The following HSPA4 variants were observed in gnomAD, a reference collection of about 807,000 sequenced individuals.
HSPA4 encodes heat shock protein family A (Hsp70) member 4, also known as heat shock 70 kDa protein 4.
HSPA4 carries 25 observed loss-of-function variants against 106.2 expected under a neutral mutation model. The ratio of observed to expected loss-of-function variants is 0.24; its 90% confidence interval spans 0.17 to 0.33. The LOEUF (loss-of-function observed/expected upper bound fraction) is 0.33. Ranked by LOEUF, HSPA4 falls within the 10% of genes least tolerant of loss-of-function variation. The pLI is 1.00. For missense variants in HSPA4, 841 were observed against 996.0 expected (o/e 0.84, Z 2.10); for synonymous variants, 332 against 333.6 (o/e 1.00, Z 0.05).
rs1037487763 is a variant in HSPA4, at chr5:133,052,438, G to A, written c.107+81G>A. ...CAGTCTGGGACCCTCGCTGCTTGGG[G>A]AACGCGGGCCGAGGAGTCGCCTCCG... On this transcript the variant is annotated intron_variant, in intron 1 of 18. Coordinates refer to ENST00000304858, the MANE Select transcript of HSPA4 (RefSeq NM_002154.4). 3 of 1,008,994 alleles carry A rather than the reference G, an allele frequency of 3.0e-6. No individual in the cohort carries two copies. In the African/African-American group the frequency reaches 5.0e-5, roughly 17 times the overall value. 62.5% of individuals were successfully genotyped at this position (1,008,994 alleles called of 1,614,324 possible). A position where few individuals can be genotyped will look rare whatever the true frequency, so the allele number is the denominator to read the frequency against.
intron 1 of HSPA4, among the ~76,000 whole-genome samples, chr5:133,053,804 C>T (rs1765121914): frequency 6.6e-6 from 1 of 151,664 alleles, no homozygotes; most frequent in Admixed American, 6.6e-5. Flanking sequence ...GGATTACAGG[C>T]GCGTGCTACC....
chr5:133,104,097 A>G (rs528710958), intron 18 of HSPA4, 71 bp downstream of exon 18: 4 of 1,436,302 alleles, frequency 2.8e-6, no homozygotes, highest in African/African-American at 1.4e-5. Flanking sequence ...AGTGACACTT[A>G]GGAGGGAACT....
In HSPA4 at chr5:133,067,523, T is replaced by C. The variant is rs143398800; in HGVS notation, c.272T>C (p.Ile91Thr). Residue 91 changes from isoleucine to threonine, a missense_variant, in exon 3 of 19, where the codon ATT (isoleucine) becomes ACT (threonine). Ile to Thr is a moderately conservative substitution (Grantham distance 89, BLOSUM62 -1). Transcript: ENST00000304858. ...GAAAAATCTAACCTTGCATATGATA[T>C]TGTGCAGTTGCCTACAGGATTAACA... ...EAEKSNLAYD[I>T]VQLPTGLTGI... 6 of 1,613,776 alleles carry C rather than the reference T, an allele frequency of 3.7e-6. No homozygotes were observed. Among genetic ancestry groups the C allele is most frequent in the African/African-American group, 1.3e-5 (1 of 75,062 alleles).
rs138105174 is a variant in HSPA4, at chr5:133,078,668, A to G, written c.908+1770A>G. Among the ~76,000 whole-genome samples, 611 of 147,796 alleles carry G rather than the reference A, an allele frequency of 4.1e-3. 6 individuals carry two copies. Among genetic ancestry groups the G allele is most frequent in the Non-Finnish European group, 7.6e-3 (509 of 66,782 alleles). On this transcript the variant is annotated intron_variant, in intron 7 of 18. Transcript: ENST00000304858. ...AAAAAAAAAAAAAAAGTTGTACTGT[A>G]TTTACATCATCAGAATACGTAGCTC...
chr5:133,065,131 G>A (rs1177898965), intron 2 of HSPA4, 94 bp downstream of exon 2: 2 of 1,015,068 alleles, frequency 2.0e-6, no homozygotes, highest in Non-Finnish European at 3.1e-6. Flanking sequence ...CCTAACACTG[G>A]TAGGCCTTGG....
intron 14 of HSPA4, among the ~76,000 whole-genome samples, 172 bp from the exon 15 acceptor site, chr5:133,096,987 CTT>C (rs936856723): frequency 6.6e-5 from 10 of 151,988 alleles, no homozygotes; most frequent in Admixed American, 6.6e-5. Flanking sequence ...CTACAAAACT[CTT>C]TTTGATATTC....
intron 3 of HSPA4, among the ~76,000 whole-genome samples, chr5:133,068,036 G>A (rs1765330738): frequency 6.6e-6 from 1 of 151,962 alleles, no homozygotes; most frequent in African/African-American, 2.4e-5. Context: ...GGGATTACAG[G>A]CACGTGCCAC....
intron 1 of HSPA4, among the ~76,000 whole-genome samples, chr5:133,056,134 A>C (rs1383857931): frequency 1.3e-5 from 2 of 152,132 alleles, no homozygotes; most frequent in African/African-American, 4.8e-5. Context: ...CCTGAGGATG[A>C]GTAGGATTTT....
chr5:133,072,392 G>GTTTTTTTGTTTTTT (rs1765393184), intron 4 of HSPA4, among the ~76,000 whole-genome samples: 1 of 75,726 alleles, frequency 1.3e-5, no homozygotes, highest in African/African-American at 5.3e-5. Context: ...GTCCAGGGTT[G>GTTTTTTTGTTTTTT]TTTTTTTTTT....
chr5:133,072,389 G>GTTGTTTTTTTGTTTT lies in HSPA4; in HGVS notation c.430-831_430-830insGTTTTTTGTTTTTTT, dbSNP rs1490617748. Reference sequence around the variant, plus strand: ...GGAGTTCTGCCTAGCCTGGTCCAGGGTTGTTTTTTTTTTTTTTTTTTTTTT... The same window carrying GTTGTTTTTTTGTTTT: ...GGAGTTCTGCCTAGCCTGGTCCAGGGTTGTTTTTTTGTTTTTTGTTTTTTTTTTTTTTTTTTTTTT... On this transcript the variant is annotated intron_variant, in intron 4 of 18. Transcript: ENST00000304858. 2.3e-3 allele frequency among the ~76,000 whole-genome samples: 237 copies of GTTGTTTTTTTGTTTT among 103,174 alleles called. 4 individuals are homozygous for GTTGTTTTTTTGTTTT. Among genetic ancestry groups the GTTGTTTTTTTGTTTT allele is most frequent in the African/African-American group, 7.9e-3 (218 of 27,618 alleles). The allele number at this position is 103,174 out of a possible 152,430, so 67.7% of individuals were successfully genotyped here.
At chr5:133,089,740 A>C in intron 11 of HSPA4, 45 bp downstream of exon 11, 2 of 1,344,050 alleles carry the variant, frequency 1.5e-6, no homozygotes, top group Non-Finnish European at 2.0e-6. Context: ...AAAAAAAAGC[A>C]CAGTGGCTCA....
intron 12 of HSPA4, 83 bp from the exon 13 acceptor site, chr5:133,092,617 A>T: frequency 2.2e-6 from 2 of 909,648 alleles, no homozygotes; most frequent in Non-Finnish European, 3.6e-6. Flanking sequence ...AGCAGGAATT[A>T]CATAACTATG....
At chr5:133,097,067 G>A in intron 14 of HSPA4, 94 bp from the exon 15 acceptor site, 2 of 977,076 alleles carry the variant, frequency 2.0e-6, no homozygotes, top group Non-Finnish European at 3.0e-6. Context: ...AAAGGATTTG[G>A]GGAAGAAAGA....
chr5:133,095,219 T>A (rs1765695732), intron 13 of HSPA4, among the ~76,000 whole-genome samples: 1 of 152,130 alleles, frequency 6.6e-6, no homozygotes, highest in South Asian at 2.1e-4. Flanking sequence ...GGAGAATCTC[T>A]TGAACCTGAG....
chr5:133,054,694 C>T (rs1765137146), intron 1 of HSPA4, among the ~76,000 whole-genome samples: 1 of 152,156 alleles, frequency 6.6e-6, no homozygotes, highest in African/African-American at 2.4e-5. Context: ...GGTAGTCTAA[C>T]TTGGCATCTC....
chr5:133,076,570 T>C, intron 6 of HSPA4, 84 bp from the exon 7 acceptor site: 2 of 1,236,548 alleles, frequency 1.6e-6, no homozygotes, highest in South Asian at 2.9e-5. Flanking sequence ...TTTTTTTAGA[T>C]AAACAACTTA....
chr5:133,102,656 C>T (rs1765802209), intron 17 of HSPA4, among the ~76,000 whole-genome samples: 1 of 152,176 alleles, frequency 6.6e-6, no homozygotes, highest in Non-Finnish European at 1.5e-5. Context: ...TAAAGTTCCT[C>T]CATTATACCC....
intron 1 of HSPA4, among the ~76,000 whole-genome samples, chr5:133,062,378 G>A (rs988714621): frequency 6.6e-6 from 1 of 152,158 alleles, no homozygotes; most frequent in Non-Finnish European, 1.5e-5. Context: ...TGTTGTGATT[G>A]GGGTCATGGT....
chr5:133,086,687 GT>G, intron 7 of HSPA4, 94 bp from the exon 8 acceptor site: 1 of 836,276 alleles, frequency 1.2e-6, no homozygotes, highest in Non-Finnish European at 2.0e-6. Context: ...GCCAGCACTT[GT>G]TGTTACCTGT....
Sources: gnomAD v4.1 joint callset for allele counts (sites outside exome capture counted in the v4.1 genomes callset) on GRCh38, gnomAD v4.1.1 for gene constraint, MANE v1.5 for transcripts, NCBI Gene and HGNC (gene_info 2026-07-23, HGNC 2026-07-21) for gene names.